Variants in AFAP1L2 observed in about 807,000 individuals in gnomAD.
AFAP1L2 encodes actin filament associated protein 1 like 2, also known as actin filament-associated protein 1-like 2.
A neutral mutation model predicts 99.3 loss-of-function variants in AFAP1L2; 46 were observed. The observed-to-expected ratio is 0.46, with a 90% CI of 0.37 to 0.59. AFAP1L2 has a LOEUF of 0.59. AFAP1L2 is among the 20% of genes least tolerant of loss of function. The pLI is 0.00. For missense variants in AFAP1L2, 959 were observed against 1,034.9 expected, an observed-to-expected ratio of 0.93 and a Z score of 1.01; for synonymous variants, 397 against 419.1, an observed-to-expected ratio of 0.95 and a Z score of 0.64.
chr10:114,339,103 G>A (rs1204354702), intron 2 of AFAP1L2, among the ~76,000 whole-genome samples: 2 of 152,170 alleles, frequency 1.3e-5, no homozygotes, highest in Non-Finnish European at 2.9e-5. Context: ...TTAAGCCCTA[G>A]CTATTATTAT....
chr10:114,321,558 A>G (rs575917468), intron 5 of AFAP1L2, among the ~76,000 whole-genome samples: 5 of 152,266 alleles, frequency 3.3e-5, no homozygotes, highest in African/African-American at 1.2e-4. Context: ...TCTTTATGGA[A>G]CCAACAACAC....
intron 1 of AFAP1L2, among the ~76,000 whole-genome samples, chr10:114,371,683 A>T (rs1192815856): frequency 6.6e-6 from 1 of 152,104 alleles, no homozygotes; most frequent in Non-Finnish European, 1.5e-5. Flanking sequence ...TAGGGGAGGG[A>T]GAGCATTAGG....
chr10:114,345,711 A>C (rs764702956), intron 1 of AFAP1L2, among the ~76,000 whole-genome samples: 2 of 152,232 alleles, frequency 1.3e-5, no homozygotes, highest in African/African-American at 2.4e-5. Context: ...GGCTGTAGTC[A>C]TTCCCAGGGA....
Position 114,313,780 on chromosome 10 carries a change from C to G in AFAP1L2, c.792+91G>C, listed in dbSNP as rs1299750864. On this transcript the variant is annotated intron_variant, in intron 7 of 18. Transcript: ENST00000304129. ...CCTGCAAACTTGAAGGATCACAAAT[C>G]CTCTACCCCTGACCCTATCATCCAT... is the stretch of plus-strand genomic sequence containing the variant. 3.8e-6 allele frequency: 5 copies of G among 1,322,172 alleles called. No homozygotes were observed. The African/African-American group carries it at 7.3e-5, about 19-fold the overall frequency. 81.9% of individuals were successfully genotyped at this position (1,322,172 alleles called of 1,614,324 possible). A position where few individuals can be genotyped will look rare whatever the true frequency, so the allele number is the denominator to read the frequency against.
chr10:114,397,831 G>A (rs1009506486), intron 1 of AFAP1L2, among the ~76,000 whole-genome samples: 3 of 152,144 alleles, frequency 2.0e-5, no homozygotes, highest in South Asian at 2.1e-4. Context: ...CTGAGCTTCC[G>A]TACAAGCTCA....
intron 3 of AFAP1L2, 24 bp from the exon 4 acceptor site, chr10:114,331,921 C>G (rs2047298150): frequency 7.8e-7 from 1 of 1,283,216 alleles, no homozygotes; most frequent in African/African-American, 1.5e-5. Flanking sequence ...AAGGAAAAGG[C>G]TTCGGTGAGG....
chr10:114,383,185 C>T (rs1453748055), intron 1 of AFAP1L2, among the ~76,000 whole-genome samples: 4 of 152,184 alleles, frequency 2.6e-5, no homozygotes, highest in African/African-American at 9.7e-5. Context: ...TACATAAAAT[C>T]TGGGGCAGTG....
At chr10:114,404,779 G>T (rs1256286750), upstream of AFAP1L2, 1 of 289,698 alleles carries the variant, frequency 3.5e-6, no homozygotes, top group Non-Finnish European at 6.3e-6. Flanking sequence ...TTGACTCCGG[G>T]GGCGTCGAGA....
chr10:114,314,093 C>T (rs369860744), intron 6 of AFAP1L2, 43 bp from the exon 7 acceptor site: 95 of 1,576,186 alleles, frequency 6.0e-5, no homozygotes, highest in South Asian at 3.6e-4. Flanking sequence ...CCAGGGGTGC[C>T]GGGCGGAGGT....
chr10:114,340,521 C>T, intron 2 of AFAP1L2, 82 bp downstream of exon 2: 1 of 1,501,696 alleles, frequency 6.7e-7, no homozygotes, highest in Non-Finnish European at 9.0e-7. Flanking sequence ...AGCCTGTGAT[C>T]CTTAGCTATG....
At chr10:114,301,538 C>T in intron 12 of AFAP1L2, 73 bp from the exon 13 acceptor site, 1 of 1,138,276 alleles carries the variant, frequency 8.8e-7, no homozygotes, top group Admixed American at 1.7e-5. Flanking sequence ...TCCAAGGATT[C>T]CCAGTGAGGA....
chr10:114,352,029 G>A (rs1342803017), intron 1 of AFAP1L2, among the ~76,000 whole-genome samples: 3 of 152,254 alleles, frequency 2.0e-5, no homozygotes, highest in African/African-American at 7.2e-5. Context: ...TTAATGTGAA[G>A]ATCACAAAAT....
chr10:114,311,535 T>C (rs547635843), intron 7 of AFAP1L2, among the ~76,000 whole-genome samples: 42 of 152,338 alleles, frequency 2.8e-4, no homozygotes, highest in Non-Finnish European at 5.7e-4. Flanking sequence ...ACATTGAGCC[T>C]GAGCCTCAGC....
chr10:114,310,991 T>C (rs374710560), intron 7 of AFAP1L2, among the ~76,000 whole-genome samples: 1,236 of 107,288 alleles, frequency 0.012, 21 homozygotes, highest in African/African-American at 0.04. Flanking sequence ...AGGGGCCTCT[T>C]CACTGGCTTC....
At chr10:114,394,623 GA>G (rs1268664068) in intron 1 of AFAP1L2, among the ~76,000 whole-genome samples, 61 of 152,258 alleles carry the variant, frequency 4.0e-4, no homozygotes, top group African/African-American at 1.3e-3. Flanking sequence ...GAGAGGGGAA[GA>G]AGAGAGGGAG....
Position 114,313,966 on chromosome 10 carries a change from G to A in AFAP1L2, c.697C>T (p.Arg233Trp), listed in dbSNP as rs557738293. Residue 233 changes from arginine (R) to tryptophan (W), a missense_variant, in exon 7 of 19, where the codon CGG becomes TGG. By Grantham distance (101) the Arg-to-Trp change is moderately radical. Around this residue, in one of 2 missense-constraint regions of AFAP1L2, gnomAD observed 383 missense variants for 472.8 expected, o/e 0.81. Coordinates refer to ENST00000304129, the MANE Select transcript of AFAP1L2 (RefSeq NM_001001936.3). ...ATCTTCAGCTTGTGCTCCTTCTTCC[G>A]CACTTGCTTCTCCTTGTGAATGACG... Reference protein sequence around the residue: ...SSVIHKEKQVRKKEHKLKITP... With the variant: ...SSVIHKEKQVWKKEHKLKITP... 320 of 1,613,974 alleles carry A rather than the reference G, an allele frequency of 2.0e-4. 4 individuals are homozygous for A. The South Asian group carries it at 3.2e-3, about 16-fold the overall frequency.
chr10:114,296,946 G>A (rs963817403), intron 18 of AFAP1L2, 32 bp downstream of exon 18: 1 of 1,613,728 alleles, frequency 6.2e-7, no homozygotes, highest in Non-Finnish European at 8.5e-7. Flanking sequence ...CATTTCTGCT[G>A]GCCCCAAGGG....
At chr10:114,340,557 C>A in intron 2 of AFAP1L2, 46 bp downstream of exon 2, 3 of 1,581,106 alleles carry the variant, frequency 1.9e-6, no homozygotes, top group Non-Finnish European at 2.6e-6. Flanking sequence ...TCACAACCAT[C>A]TCTTTTGGCG....
chr10:114,370,250 A>T (rs1310849811), intron 1 of AFAP1L2, among the ~76,000 whole-genome samples: 1 of 152,204 alleles, frequency 6.6e-6, no homozygotes, highest in Non-Finnish European at 1.5e-5. Flanking sequence ...CAGATCACAC[A>T]CACCAGAGGC....
Sources: allele counts gnomAD v4.1 joint callset (sites outside exome capture counted in the v4.1 genomes callset), GRCh38; gene constraint gnomAD v4.1.1; regional missense constraint gnomAD v4.1.1; transcripts MANE v1.5; gene names NCBI Gene and HGNC (gene_info 2026-07-23, HGNC 2026-07-21).